Variants in CCSER1 observed in about 807,000 individuals in gnomAD.
The protein encoded by CCSER1 is coiled-coil serine rich protein 1.
A neutral mutation model predicts 82.0 loss-of-function variants in CCSER1; 41 were observed. The ratio of observed to expected loss-of-function variants is 0.50; its 90% CI spans 0.39 to 0.65. The LOEUF is 0.65. CCSER1 is among the 30% of genes least tolerant of loss of function. The pLI is 0.00. For missense variants in CCSER1, 1,119 were observed against 1,064.2 expected (o/e 1.05, Z -0.72); for synonymous variants, 414 against 383.9 (o/e 1.08, Z -0.92).
intron 9 of CCSER1, among the ~76,000 whole-genome samples, chr4:91,076,117 C>T (rs1721970416): frequency 6.6e-6 from 1 of 152,096 alleles, no homozygotes; most frequent in Non-Finnish European, 1.5e-5. Context: ...GTCTAAAGCC[C>T]TAGTATCATA....
chr4:90,346,010 T>C (rs1184910974), intron 3 of CCSER1, among the ~76,000 whole-genome samples: 1 of 152,054 alleles, frequency 6.6e-6, no homozygotes, highest in East Asian at 1.9e-4. Flanking sequence ...GTCTAACCAC[T>C]CTTTCCTTCC....
chr4:91,571,219 A>G (rs1763162123), intron 10 of CCSER1, among the ~76,000 whole-genome samples: 1 of 152,042 alleles, frequency 6.6e-6, no homozygotes, highest in African/African-American at 2.4e-5. Context: ...GAGCCCTCCA[A>G]CTTTCTAGGA....
chr4:91,516,937 T>C (rs1288607060), intron 10 of CCSER1, among the ~76,000 whole-genome samples: 3 of 152,174 alleles, frequency 2.0e-5, no homozygotes, highest in Non-Finnish European at 4.4e-5. Context: ...TGTAGCTGTA[T>C]TCCTAGGTAT....
chr4:90,183,274 C>T (rs1269883861), intron 1 of CCSER1, among the ~76,000 whole-genome samples: 1 of 152,112 alleles, frequency 6.6e-6, no homozygotes, highest in Non-Finnish European at 1.5e-5. Flanking sequence ...CTATGACCTC[C>T]AAACACACAC....
At chr4:91,562,954 G>A (rs1054717224) in intron 10 of CCSER1, among the ~76,000 whole-genome samples, 1 of 151,466 alleles carries the variant, frequency 6.6e-6, no homozygotes, top group African/African-American at 2.4e-5. Flanking sequence ...AATTGATAAT[G>A]TTCATGCCAA....
intron 9 of CCSER1, among the ~76,000 whole-genome samples, chr4:91,045,004 T>C (rs1742320686): frequency 6.6e-6 from 1 of 152,204 alleles, no homozygotes; most frequent in Non-Finnish European, 1.5e-5. Context: ...ATCTGTAGCA[T>C]GTATTATATT....
At chr4:90,227,591 A>T (rs747258366) in intron 1 of CCSER1, among the ~76,000 whole-genome samples, 11 of 152,218 alleles carry the variant, frequency 7.2e-5, no homozygotes, top group Non-Finnish European at 1.6e-4. Flanking sequence ...AACATTGAAA[A>T]TTATTATAGA....
chr4:90,411,872 C>T (rs952037020), intron 4 of CCSER1, among the ~76,000 whole-genome samples: 4 of 152,006 alleles, frequency 2.6e-5, no homozygotes, highest in African/African-American at 9.7e-5. Flanking sequence ...TCTAGAAAAC[C>T]CCATTGTCTC....
At chr4:90,245,162 G>A (rs1458631124) in intron 1 of CCSER1, among the ~76,000 whole-genome samples, 1 of 152,118 alleles carries the variant, frequency 6.6e-6, no homozygotes, top group Non-Finnish European at 1.5e-5. Flanking sequence ...TGTATGTACT[G>A]GAGATTATAT....
intron 5 of CCSER1, among the ~76,000 whole-genome samples, chr4:90,618,786 G>A (rs1410412874): frequency 6.6e-6 from 1 of 151,702 alleles, no homozygotes; most frequent in Non-Finnish European, 1.5e-5. Context: ...AACTCTTATT[G>A]TTGATAAGAA....
intron 10 of CCSER1, among the ~76,000 whole-genome samples, chr4:91,536,528 C>T (rs149807151): frequency 3.5e-4 from 53 of 152,170 alleles, no homozygotes; most frequent in African/African-American, 1.2e-3. Context: ...CCCTTCCCCT[C>T]CAACTTCTAA....
intron 3 of CCSER1, among the ~76,000 whole-genome samples, chr4:90,356,545 T>C (rs2153515590): frequency 6.6e-6 from 1 of 151,840 alleles, no homozygotes; most frequent in Admixed American, 6.6e-5. Flanking sequence ...TTAAAATGTG[T>C]AAGCCTCATT....
chr4:91,397,545 T>A (rs1294325802), intron 10 of CCSER1, among the ~76,000 whole-genome samples: 1 of 152,040 alleles, frequency 6.6e-6, no homozygotes, highest in Non-Finnish European at 1.5e-5. Context: ...TATACTTATT[T>A]GTCTAGTTAT....
chr4:90,790,869 G>GT (rs1755132491), intron 7 of CCSER1, among the ~76,000 whole-genome samples: 1 of 152,226 alleles, frequency 6.6e-6, no homozygotes, highest in South Asian at 2.1e-4. Context: ...ACCTCTGCCT[G>GT]TTACCCAGTT....
chr4:90,311,383 T>G (rs983528429), intron 2 of CCSER1, among the ~76,000 whole-genome samples: 2 of 149,904 alleles, frequency 1.3e-5, no homozygotes, highest in East Asian at 4.1e-4. Context: ...TTGATTGGGA[T>G]CCTATTTGTA....
At chr4:91,441,025 G>A (rs1467904593) in intron 10 of CCSER1, among the ~76,000 whole-genome samples, 4 of 151,782 alleles carry the variant, frequency 2.6e-5, no homozygotes, top group Non-Finnish European at 4.4e-5. Flanking sequence ...ATTCACAGCC[G>A]AATTCTACCA....
chr4:91,147,061 T>C (rs370114503), intron 10 of CCSER1, among the ~76,000 whole-genome samples: 1 of 152,280 alleles, frequency 6.6e-6, no homozygotes, highest in East Asian at 1.9e-4. Context: ...CAGTTCAAGA[T>C]GAAAGTCAGG....
At chr4:90,802,077 G>A (rs1303590922) in intron 7 of CCSER1, among the ~76,000 whole-genome samples, 2 of 151,790 alleles carry the variant, frequency 1.3e-5, no homozygotes, top group African/African-American at 4.8e-5. Context: ...AATTAGCCAG[G>A]CATGGTGGTG....
chr4:91,142,961 A>T (rs199651710), intron 10 of CCSER1, among the ~76,000 whole-genome samples: 2 of 72,090 alleles, frequency 2.8e-5, no homozygotes, highest in East Asian at 7.5e-4. Context: ...TGGCTATTTG[A>T]ACTCTTTTTT....
Sources: gnomAD v4.1 joint callset for allele counts (sites outside exome capture counted in the v4.1 genomes callset) on GRCh38, gnomAD v4.1.1 for gene constraint, MANE v1.5 for transcripts, NCBI Gene and HGNC (gene_info 2026-07-23, HGNC 2026-07-21) for gene names.